The following GRM8 variants were observed in gnomAD, a reference collection of about 807,000 sequenced individuals.
The protein encoded by GRM8 is metabotropic glutamate receptor 8.
A neutral mutation model predicts 87.2 loss-of-function variants in GRM8; 47 were observed. That is an observed-to-expected ratio of 0.54 (90% CI 0.43 to 0.69). The LOEUF is 0.69. GRM8 is among the 30% of genes least tolerant of loss of function. The pLI, the probability that GRM8 is intolerant of heterozygous loss-of-function variation, is 0.00. For missense variants in GRM8, 1,019 were observed against 1,139.2 expected (o/e 0.89, Z 1.52); for synonymous variants, 396 against 404.5 (o/e 0.98, Z 0.25).
Position 127,004,084 on chromosome 7 carries a change from C to T in GRM8, c.728-99401G>A, listed in dbSNP as rs75257894. Among the ~76,000 whole-genome samples, 418 of 151,548 alleles carry T rather than the reference C, an allele frequency of 2.8e-3. 5 individuals are homozygous for T. Among genetic ancestry groups the T allele is most frequent in the African/African-American group, 9.7e-3 (400 of 41,422 alleles). ...ATTAATAAAAAGTACTCAAACTAGG[C>T]GAATCCAATCAATAGTTGCAATTAT... is the stretch of plus-strand genomic sequence containing the variant. On this transcript the variant is annotated intron_variant, in intron 3 of 10. Transcript: ENST00000339582.
rs772087624 is a variant in GRM8, at chr7:126,533,616, A to C, written c.1766T>G (p.Phe589Cys). 1 of 1,614,124 alleles carries C rather than the reference A, an allele frequency of 6.2e-7. No homozygotes were observed. Among genetic ancestry groups the C allele is most frequent in the Non-Finnish European group, 8.5e-7 (1 of 1,180,014 alleles). The change falls in exon 9 of 11, where the codon TTT (phenylalanine) becomes TGT (cysteine). Residue 589 changes from phenylalanine (F) to cysteine (C), a missense_variant. Phe to Cys is a radical substitution (Grantham distance 205, BLOSUM62 -2). Coordinates refer to ENST00000339582, the MANE Select transcript of GRM8 (RefSeq NM_000845.3). ...WHSPWAVVPV[F>C]VAILGIIATT... ...GGCGATGATTCCCAATATTGCAACAAACACAGGCACCACAGCCCAGGGAGA... is the reference window on the plus strand; with the variant it reads ...GGCGATGATTCCCAATATTGCAACACACACAGGCACCACAGCCCAGGGAGA...
At chr7:126,926,793 A>G (rs1181043365) in intron 3 of GRM8, among the ~76,000 whole-genome samples, 1 of 152,062 alleles carries the variant, frequency 6.6e-6, no homozygotes, top group African/African-American at 2.4e-5. Context: ...TCAAGGGTCC[A>G]CTCCTCCAGG....
intron 3 of GRM8, among the ~76,000 whole-genome samples, chr7:126,940,447 T>C (rs1806794522): frequency 6.6e-6 from 1 of 152,124 alleles, no homozygotes; most frequent in Non-Finnish European, 1.5e-5. Context: ...CCTGAGACCA[T>C]CTTGGCCGCA....
chr7:126,627,023 C>T (rs1338951816), intron 7 of GRM8, among the ~76,000 whole-genome samples: 1 of 152,108 alleles, frequency 6.6e-6, no homozygotes, highest in Non-Finnish European at 1.5e-5. Flanking sequence ...TTTAGACCTT[C>T]TCTTATAAGT....
At chr7:126,733,953 G>A (rs977448534) in intron 7 of GRM8, among the ~76,000 whole-genome samples, 8 of 151,852 alleles carry the variant, frequency 5.3e-5, no homozygotes, top group Non-Finnish European at 7.4e-5. Context: ...AAATTCCACT[G>A]GAAGCAGTTA....
chr7:127,130,422 C>T (rs912010339), intron 2 of GRM8, among the ~76,000 whole-genome samples: 1 of 152,100 alleles, frequency 6.6e-6, no homozygotes, highest in African/African-American at 2.4e-5. Flanking sequence ...GACAAAAATG[C>T]TGATAGTGAT....
At chr7:126,520,178 G>C (rs1812770079) in intron 9 of GRM8, among the ~76,000 whole-genome samples, 1 of 151,648 alleles carries the variant, frequency 6.6e-6, no homozygotes, top group Non-Finnish European at 1.5e-5. Context: ...TCTAAACAGG[G>C]GAAAAAAGAA....
At chr7:127,040,326 T>G (rs552525231) in intron 3 of GRM8, among the ~76,000 whole-genome samples, 3 of 152,086 alleles carry the variant, frequency 2.0e-5, no homozygotes, top group Non-Finnish European at 4.4e-5. Context: ...AGAGGCACAT[T>G]CTCATGGCCA....
chr7:126,492,848 T>G (rs536345353), intron 9 of GRM8, among the ~76,000 whole-genome samples: 3 of 152,014 alleles, frequency 2.0e-5, no homozygotes, highest in Non-Finnish European at 4.4e-5. Context: ...AATGGTAACA[T>G]AAGCAGAAAT....
chr7:126,829,169 G>T (rs997079856), intron 6 of GRM8, among the ~76,000 whole-genome samples: 4 of 149,990 alleles, frequency 2.7e-5, no homozygotes, highest in Non-Finnish European at 5.9e-5. Flanking sequence ...TGAAAAAAAT[G>T]TATATTCTGT....
chr7:127,015,055 G>C (rs866368864), intron 3 of GRM8, among the ~76,000 whole-genome samples: 6 of 113,150 alleles, frequency 5.3e-5, no homozygotes, highest in Admixed American at 1.8e-4. Context: ...AGAAGAAGAA[G>C]AAGAAGAAGA....
At chr7:126,623,495 A>G (rs1800379557) in intron 7 of GRM8, among the ~76,000 whole-genome samples, 1 of 152,190 alleles carries the variant, frequency 6.6e-6, no homozygotes, top group African/African-American at 2.4e-5. Context: ...ACTGCTCAAC[A>G]CCCACATGGT....
chr7:126,500,526 T>C (rs769556374), intron 9 of GRM8, among the ~76,000 whole-genome samples: 1 of 151,980 alleles, frequency 6.6e-6, no homozygotes, highest in Non-Finnish European at 1.5e-5. Flanking sequence ...GGCAGCATTC[T>C]TCCTCAGAGG....
At chr7:126,703,583 A>G (rs1810172316) in intron 7 of GRM8, among the ~76,000 whole-genome samples, 1 of 152,140 alleles carries the variant, frequency 6.6e-6, no homozygotes, top group African/African-American at 2.4e-5. Context: ...TTTTTATACG[A>G]GGTCTCGTCT....
intron 3 of GRM8, among the ~76,000 whole-genome samples, chr7:127,101,660 C>T (rs1332478218): frequency 2.6e-5 from 4 of 152,204 alleles, no homozygotes; most frequent in African/African-American, 9.7e-5. Context: ...CCTGTACAGC[C>T]TGCAGAACCA....
At chr7:126,512,344 C>T (rs1326283835) in intron 9 of GRM8, 1 of 152,106 alleles carries the variant, frequency 6.6e-6, no homozygotes, top group Non-Finnish European at 1.5e-5. Flanking sequence ...CATATTATTC[C>T]CTGATAGTCT....
At chr7:126,597,887 C>T (rs1394108158) in intron 8 of GRM8, among the ~76,000 whole-genome samples, 1 of 152,044 alleles carries the variant, frequency 6.6e-6, no homozygotes, top group Non-Finnish European at 1.5e-5. Context: ...GATTTAGGAT[C>T]TCCTTCAAAC....
intron 2 of GRM8, among the ~76,000 whole-genome samples, chr7:127,236,608 T>C (rs1357605512): frequency 6.6e-6 from 1 of 152,186 alleles, no homozygotes; most frequent in Non-Finnish European, 1.5e-5. Flanking sequence ...TACCTCCACC[T>C]GGTCTCTCCT....
rs1817749366 is a variant in GRM8 at position 127,035,319 on chromosome 7, C to T, written c.727+71177G>A. Among the ~76,000 whole-genome samples the T allele has an allele frequency of 2.0e-5, 3 of 152,222 alleles. No individual in the cohort carries two copies. In the South Asian group the frequency reaches 6.2e-4, roughly 32 times the overall value. On this transcript the variant is annotated intron_variant, in intron 3 of 10. Transcript: ENST00000339582. ...TGTGTCTATACGGTGCCAGCAAACCCTTGATTAGGTTGATTCACTCAAGCA... is the reference window on the plus strand; with the variant it reads ...TGTGTCTATACGGTGCCAGCAAACCTTTGATTAGGTTGATTCACTCAAGCA...
Sources: gnomAD v4.1 joint callset for allele counts (sites outside exome capture counted in the v4.1 genomes callset) on GRCh38, gnomAD v4.1.1 for gene constraint, MANE v1.5 for transcripts, NCBI Gene and HGNC (gene_info 2026-07-23, HGNC 2026-07-21) for gene names.